The following PTPRM variants were observed in gnomAD, a reference collection of about 807,000 sequenced individuals.
The protein encoded by PTPRM is protein tyrosine phosphatase receptor type M.
PTPRM carries 47 observed loss-of-function variants against 186.7 expected under a neutral mutation model. The ratio of observed to expected loss-of-function variants is 0.25; its 90% CI spans 0.20 to 0.32. PTPRM has a LOEUF of 0.32. Ranked by LOEUF, PTPRM falls within the 10% of genes least tolerant of loss-of-function variation. The pLI is 1.00. For synonymous variants in PTPRM, 668 were observed against 674.9 expected (o/e 0.99, Z 0.16); for missense variants, 1,494 against 1,865.0 (o/e 0.80, Z 3.66).
intron 11 of PTPRM, among the ~76,000 whole-genome samples, chr18:8,111,813 A>T (rs2091768120): frequency 6.6e-6 from 1 of 152,248 alleles, no homozygotes; most frequent in Admixed American, 6.5e-5. Flanking sequence ...AAATGCATTT[A>T]AAACCCAAGC....
intron 11 of PTPRM, among the ~76,000 whole-genome samples, chr18:8,109,898 T>C (rs951888643): frequency 6.6e-6 from 1 of 152,174 alleles, no homozygotes; most frequent in Non-Finnish European, 1.5e-5. Context: ...TAATTGTGGG[T>C]TATCCAGGAT....
At chr18:8,072,989 TCTA>T (rs1461154278) in intron 8 of PTPRM, among the ~76,000 whole-genome samples, 1 of 140,776 alleles carries the variant, frequency 7.1e-6, no homozygotes, top group Non-Finnish European at 1.6e-5. Flanking sequence ...TGTCAACTAT[TCTA>T]CTGCCATTTA....
At chr18:8,169,668 G>A (rs930083421) in intron 14 of PTPRM, among the ~76,000 whole-genome samples, 1 of 152,306 alleles carries the variant, frequency 6.6e-6, no homozygotes, top group African/African-American at 2.4e-5. Context: ...TTAGCATGGT[G>A]TATGCGTGTA....
chr18:7,587,095 ATATTT>A (rs771279277), intron 1 of PTPRM, among the ~76,000 whole-genome samples: 6 of 152,154 alleles, frequency 3.9e-5, no homozygotes, highest in Non-Finnish European at 8.8e-5. Context: ...TTTTAATTCT[ATATTT>A]AATTTTATAG....
At chr18:8,276,570 T>C (rs528553892) in intron 19 of PTPRM, among the ~76,000 whole-genome samples, 1 of 152,266 alleles carries the variant, frequency 6.6e-6, no homozygotes, top group South Asian at 2.1e-4. Flanking sequence ...AGCTAACCAT[T>C]TCCATGTGTG....
chr18:8,143,837 T>TTG (rs2092819273), intron 14 of PTPRM, 58 bp downstream of exon 14: 1 of 1,590,676 alleles, frequency 6.3e-7, no homozygotes, highest in Non-Finnish European at 8.6e-7. Context: ...CTGGAATGTT[T>TTG]TGTGTGTGTG....
intron 14 of PTPRM, among the ~76,000 whole-genome samples, chr18:8,212,406 T>C (rs1315041552): frequency 4.7e-5 from 5 of 106,234 alleles, no homozygotes; most frequent in Non-Finnish European, 9.5e-5. Context: ...TATTTCTTAA[T>C]TATAAATTTA....
chr18:7,702,218 G>A (rs2039982301), intron 1 of PTPRM, among the ~76,000 whole-genome samples: 1 of 152,180 alleles, frequency 6.6e-6, no homozygotes, highest in Admixed American at 6.5e-5. Context: ...TAATGGGATT[G>A]TTGGGTCAAA....
chr18:7,816,405 G>C (rs179477), intron 2 of PTPRM, among the ~76,000 whole-genome samples: 2,302 of 152,192 alleles, frequency 0.015, 58 homozygotes, highest in African/African-American at 0.052. Context: ...CTTGTAAATT[G>C]ACATGCAAAG....
intron 2 of PTPRM, among the ~76,000 whole-genome samples, chr18:7,819,805 T>G (rs1598880472): frequency 6.6e-6 from 1 of 152,086 alleles, no homozygotes; most frequent in East Asian, 1.9e-4. Context: ...CCTAGAGGTT[T>G]GAGCTGTGGG....
chr18:7,883,384 A>G (rs1377480538), intron 2 of PTPRM, among the ~76,000 whole-genome samples: 1 of 152,226 alleles, frequency 6.6e-6, no homozygotes, highest in Non-Finnish European at 1.5e-5. Flanking sequence ...TTAATAGTCT[A>G]AAATTGAATA....
Position 8,113,740 on chromosome 18 carries a change from C to G in PTPRM, c.2111C>G (p.Ala704Gly). The change falls in exon 12 of 33, where the codon GCT (alanine) becomes GGT (glycine). Residue 704 changes from alanine to glycine, a missense_variant. Coordinates refer to ENST00000580170, the MANE Select transcript of PTPRM (RefSeq NM_001105244.2). ...PYKSYRIYFQ[A>G]ASRANGETKI... ...AAAAGCTACAGAATTTATTTCCAAG[C>G]TGCTAGTAGAGCCAATGGGGTAAGT... The G allele has an allele frequency of 6.2e-7, 1 of 1,613,470 alleles. No individual in the cohort carries two copies. Among genetic ancestry groups the G allele is most frequent in the Non-Finnish European group, 8.5e-7 (1 of 1,179,576 alleles).
At chr18:7,846,639 G>T (rs1237203464) in intron 2 of PTPRM, among the ~76,000 whole-genome samples, 1 of 152,204 alleles carries the variant, frequency 6.6e-6, no homozygotes, top group African/African-American at 2.4e-5. Flanking sequence ...GAATTGGAGG[G>T]CTAGGCCATG....
At chr18:7,651,488 C>T (rs1376994633) in intron 1 of PTPRM, among the ~76,000 whole-genome samples, 7 of 152,142 alleles carry the variant, frequency 4.6e-5, no homozygotes, top group Non-Finnish European at 1.0e-4. Context: ...ATCATGCTAC[C>T]TGACTTCAAA....
intron 2 of PTPRM, among the ~76,000 whole-genome samples, chr18:7,844,146 A>G (rs576934047): frequency 3.7e-4 from 56 of 152,306 alleles, no homozygotes; most frequent in African/African-American, 1.3e-3. Context: ...TGTAGACCCC[A>G]CCACTCAGTA....
intron 3 of PTPRM, among the ~76,000 whole-genome samples, chr18:7,902,458 T>C (rs2049745127): frequency 6.6e-6 from 1 of 152,166 alleles, no homozygotes. Flanking sequence ...TGAAGCTCTG[T>C]GCTGGGGGTT....
chr18:8,241,940 T>C (rs1244995224), intron 14 of PTPRM, among the ~76,000 whole-genome samples: 1 of 152,132 alleles, frequency 6.6e-6, no homozygotes, highest in Non-Finnish European at 1.5e-5. Context: ...TGCTTAAAGA[T>C]CAGCAATTAA....
Position 8,026,228 on chromosome 18 carries a change from G to A in PTPRM, c.1133-43458G>A, listed in dbSNP as rs139863030. On this transcript the variant is annotated intron_variant, in intron 7 of 32. Transcript: ENST00000580170. ...ACTTTTATGCCTCCATGGAAAGTCT[G>A]AGAACATCCTGGTAATCAGGGATAA... Among the ~76,000 whole-genome samples, 20 of 152,332 alleles carry A rather than the reference G, an allele frequency of 1.3e-4. No individual in the cohort carries two copies. The East Asian group carries it at 3.7e-3, about 28-fold the overall frequency.
Position 7,568,278 on chromosome 18 carries a change from G to A in PTPRM, c.73+387G>A, listed in dbSNP as rs1253927030. 1.3e-5 allele frequency among the ~76,000 whole-genome samples: 2 copies of A among 151,810 alleles called. No homozygotes were observed. Among genetic ancestry groups the A allele is most frequent in the African/African-American group, 2.4e-5 (1 of 41,400 alleles). Reference sequence around the variant, plus strand: ...CCAGTTGCAGCCGCCGGGCCGCCTGGCGTAGGCGCTGCGCGGTCCCCGCCG... The same window carrying A: ...CCAGTTGCAGCCGCCGGGCCGCCTGACGTAGGCGCTGCGCGGTCCCCGCCG... On this transcript the variant is annotated intron_variant, in intron 1 of 32. Coordinates refer to ENST00000580170, the MANE Select transcript of PTPRM (RefSeq NM_001105244.2). This position sits in a 1 kb window ranked among gnomAD's most constrained non-coding sequence, Gnocchi z 5.1.
Sources: gnomAD v4.1 joint callset for allele counts (sites outside exome capture counted in the v4.1 genomes callset) on GRCh38, gnomAD v4.1.1 for gene constraint, Gnocchi (gnomAD v3.1) non-coding constraint, MANE v1.5 for transcripts, NCBI Gene and HGNC (gene_info 2026-07-23, HGNC 2026-07-21) for gene names.